SYNPO: variants seen among roughly 807,000 people sequenced by gnomAD.
The protein encoded by SYNPO is synaptopodin.
In SYNPO, 19 loss-of-function variants were observed where a neutral mutation model predicts 49.5. That is an observed-to-expected ratio of 0.38 (90% CI 0.27 to 0.56). SYNPO has a LOEUF of 0.56. Among genes scored for constraint, SYNPO ranks in the 20% least tolerant of loss-of-function variants. The pLI is 0.68. For synonymous variants in SYNPO, 536 were observed against 548.0 expected (o/e 0.98, Z 0.31); for missense variants, 1,131 against 1,248.3 (o/e 0.91, Z 1.42).
Position 150,649,218 on chromosome 5 carries a change from T to C in SYNPO, c.943T>C (p.Phe315Leu), listed in dbSNP as rs752173678. 6.2e-7 allele frequency: 1 copy of C among 1,614,014 alleles called. No homozygotes were observed. Among genetic ancestry groups the C allele is most frequent in the East Asian group, 2.2e-5 (1 of 44,852 alleles). Residue 315 changes from phenylalanine to leucine, a missense_variant, in exon 2 of 3, where the codon TTC becomes CTC. This residue lies in a region of SYNPO where 602 missense variants were observed against 720.7 expected (regional missense o/e 0.84). Transcript: ENST00000307662. Reference sequence around the variant, plus strand: ...CTCAGAGAGACGCCCCTTGGGGAACTTCACTGCACCCCCCACCTACACTGA... The same window carrying C: ...CTCAGAGAGACGCCCCTTGGGGAACCTCACTGCACCCCCCACCTACACTGA... ...PASERRPLGN[F>L]TAPPTYTETL...
At chr5:150,639,755 C>T (rs3756579), upstream of SYNPO, among the ~76,000 whole-genome samples, 2,078 of 152,330 alleles carry the variant, frequency 0.014, 86 homozygotes, top group East Asian at 0.17. Flanking sequence ...TTGTCATTCT[C>T]ATAGATTTCA....
At chr5:150,641,979 G>A (rs1026260261) in intron 1 of SYNPO, among the ~76,000 whole-genome samples, 1 of 152,218 alleles carries the variant, frequency 6.6e-6, no homozygotes, top group Non-Finnish European at 1.5e-5. Context: ...TAGACTCAGA[G>A]CCAGACTTTT....
chr5:150,591,868 T>C, the SYNPO span, among the ~76,000 whole-genome samples: 1 of 152,224 alleles, frequency 6.6e-6, no homozygotes, highest in African/African-American at 2.4e-5. Flanking sequence ...TTCTTGATTA[T>C]ATCTGCCAGA....
At chr5:150,624,987 C>G (rs1348551849) in intron 2 of SYNPO, 1 of 985,042 alleles carries the variant, frequency 1.0e-6, no homozygotes, top group Non-Finnish European at 1.2e-6. Flanking sequence ...ATTCCCGGCG[C>G]CGCCCAGGAG....
intron 2 of SYNPO, among the ~76,000 whole-genome samples, chr5:150,634,494 C>T (rs1322904299): frequency 1.3e-5 from 2 of 152,050 alleles, no homozygotes; most frequent in African/African-American, 4.8e-5. Context: ...TTTCATATGG[C>T]TTATCCCATT....
At chr5:150,597,799 G>A (rs6889743), upstream of SYNPO, among the ~76,000 whole-genome samples, 59,035 of 151,826 alleles carry the variant, frequency 0.39, 11,678 homozygotes, top group Middle Eastern at 0.5. Flanking sequence ...CCACCACCCT[G>A]GCTAATTTTT....
At chr5:150,646,191 T>C (rs1360135108) in intron 1 of SYNPO, among the ~76,000 whole-genome samples, 4 of 138,794 alleles carry the variant, frequency 2.9e-5, no homozygotes, top group East Asian at 2.1e-4. Context: ...AAAAAAAAAA[T>C]TGGCTAAGTG....
At chr5:150,592,392 A>G in the SYNPO span, among the ~76,000 whole-genome samples, 1 of 152,180 alleles carries the variant, frequency 6.6e-6, no homozygotes, top group Non-Finnish European at 1.5e-5. Context: ...AATGAATGAA[A>G]GAGAGTTTTT....
upstream of SYNPO, chr5:150,640,089 T>G (rs182317429): frequency 1.9e-4 from 189 of 980,516 alleles, 1 homozygote; most frequent in African/African-American, 3.2e-3. Flanking sequence ...CATGGGTTGC[T>G]GTGGAAGTAA....
At chr5:150,592,295 T>C in the SYNPO span, among the ~76,000 whole-genome samples, 1 of 152,220 alleles carries the variant, frequency 6.6e-6, no homozygotes, top group Non-Finnish European at 1.5e-5. Context: ...CTACTTACCC[T>C]GGAAAAAGTT....
chr5:150,618,545 G>A, exon 2 of SYNPO: 1 of 1,550,740 alleles, frequency 6.4e-7, no homozygotes, highest in East Asian at 2.4e-5. Context: ...AGAGGATGAG[G>A]GGGTCAGCAG....
chr5:150,595,753 C>T, the SYNPO span, among the ~76,000 whole-genome samples: 6 of 152,220 alleles, frequency 3.9e-5, no homozygotes, highest in Non-Finnish European at 8.8e-5. Flanking sequence ...GCAGCCAAAA[C>T]ATGAGGCAGG....
At chr5:150,592,693 C>T in the SYNPO span, among the ~76,000 whole-genome samples, 2 of 152,244 alleles carry the variant, frequency 1.3e-5, no homozygotes, top group African/African-American at 4.8e-5. Context: ...GCCTGGAAGA[C>T]AGAGGCCACT....
intron 1 of SYNPO, among the ~76,000 whole-genome samples, chr5:150,616,170 C>T (rs2151361263): frequency 6.6e-6 from 1 of 152,306 alleles, no homozygotes; most frequent in South Asian, 2.1e-4. Context: ...CTGCCAGACT[C>T]TCCTGGCACA....
upstream of SYNPO, among the ~76,000 whole-genome samples, chr5:150,598,455 T>A (rs1756464079): frequency 6.6e-6 from 1 of 152,172 alleles, no homozygotes; most frequent in African/African-American, 2.4e-5. Flanking sequence ...GCTGGGGGGC[T>A]TTCAGCAAAC....
At chr5:150,622,715 G>C (rs1757220252) in intron 2 of SYNPO, among the ~76,000 whole-genome samples, 1 of 152,188 alleles carries the variant, frequency 6.6e-6, no homozygotes, top group South Asian at 2.1e-4. Flanking sequence ...CAAGGCTCCT[G>C]CTCCTCAGGC....
rs772291524 is a variant in SYNPO at position 150,649,392 on chromosome 5, C to T, written c.1117C>T (p.Arg373Cys). The change falls in exon 2 of 3, where the codon CGC (arginine) becomes TGC (cysteine). Residue 373 changes from arginine (R) to cysteine (C), a missense_variant. By Grantham distance (180) the Arg-to-Cys change is radical. Around this residue, in one of 4 missense-constraint regions of SYNPO, gnomAD observed 602 missense variants for 720.7 expected, o/e 0.84. Transcript: ENST00000307662. ...GGGCATTCTGGAGGAGTCGATGGCC[C>T]GCCGGGGCAGCCGCAAATCCATGTT... ...KTGILEESMA[R>C]RGSRKSMFTF... 1.2e-5 allele frequency: 20 copies of T among 1,613,958 alleles called. No individual in the cohort carries two copies. The highest frequency in any genetic ancestry group is 2.7e-5 in the African/African-American group (2 of 74,926).
At chr5:150,607,367 C>A (rs935708166) in intron 1 of SYNPO, among the ~76,000 whole-genome samples, 4 of 152,138 alleles carry the variant, frequency 2.6e-5, no homozygotes, top group Non-Finnish European at 5.9e-5. Flanking sequence ...GTCTGGGTTT[C>A]CTGTAATATT....
intron 1 of SYNPO, among the ~76,000 whole-genome samples, chr5:150,605,602 G>A (rs1309772274): frequency 6.6e-6 from 1 of 152,130 alleles, no homozygotes; most frequent in Non-Finnish European, 1.5e-5. Flanking sequence ...ATGGGTTAAA[G>A]GGGACCGGAA....
Sources: allele counts gnomAD v4.1 joint callset (sites outside exome capture counted in the v4.1 genomes callset), GRCh38; gene constraint gnomAD v4.1.1; regional missense constraint gnomAD v4.1.1; transcripts MANE v1.5; gene names NCBI Gene and HGNC (gene_info 2026-07-23, HGNC 2026-07-21).